The following DISP3 variants were observed in gnomAD, a reference collection of about 807,000 sequenced individuals.
DISP3 encodes protein dispatched homolog 3.
DISP3 carries 101 observed loss-of-function variants against 135.3 expected under a neutral mutation model. The ratio of observed to expected loss-of-function variants is 0.75; its 90% CI spans 0.64 to 0.88. DISP3 has a LOEUF of 0.88. Ranked by LOEUF, DISP3 falls within the 40% of genes least tolerant of loss-of-function variation. The pLI is 0.00. For missense variants in DISP3, 1,713 were observed against 1,878.6 expected (o/e 0.91, Z 1.63); for synonymous variants, 856 against 817.0 (o/e 1.05, Z -0.81).
chr1:11,534,514 G>A lies in DISP3; in HGVS notation c.3509G>A (p.Trp1170Ter). The change falls in exon 18 of 21, where the codon TGG (tryptophan) becomes TAG (stop). Residue 1170 changes from tryptophan (W) to a stop codon, truncating the protein, a stop_gained. Coordinates refer to ENST00000294484, the MANE Select transcript of DISP3 (RefSeq NM_020780.2). LOFTEE classifies it high-confidence loss of function. ...LRRGFQTCEH[W>*]KQIFMEIVGV... ...CGGGGCTTCCAGACCTGCGAGCACT[G>A]GAAGCAGATATTCATGGAAATCGTA... 6.2e-7 allele frequency: 1 copy of A among 1,611,440 alleles called. No homozygotes were observed.
intron 3 of DISP3, among the ~76,000 whole-genome samples, chr1:11,505,009 G>T (rs904644203): frequency 1.2e-4 from 18 of 152,104 alleles, no homozygotes; most frequent in African/African-American, 3.9e-4. Flanking sequence ...GAGTTTTAGT[G>T]AGCTTTTTCA....
intron 20 of DISP3, 104 bp downstream of exon 20, chr1:11,535,748 G>T (rs1441390566): frequency 5.0e-6 from 7 of 1,394,474 alleles, no homozygotes; most frequent in South Asian, 1.4e-5. Context: ...CCAGCACCAG[G>T]ACCCCCATGC....
At position 11,529,361 on chromosome 1, in the gene DISP3, G is replaced by A. The variant is rs575138287; in HGVS notation, c.2799-195G>A. On this transcript the variant is annotated intron_variant, in intron 13 of 20. Transcript: ENST00000294484. The surrounding 1 kb of genome is among the most constrained non-coding windows in gnomAD (Gnocchi z 4.7). ...GTCAGCCTTGGCAGGGGCAGGGCTA[G>A]AACAGCCTCCAGACCCCCAGCCCAG... Among the ~76,000 whole-genome samples the A allele has an allele frequency of 5.3e-4, 81 of 152,240 alleles. No homozygotes were observed. The highest frequency in any genetic ancestry group is 1.4e-3 in the African/African-American group (58 of 41,538).
At position 11,498,117 on chromosome 1, in the gene DISP3, A is replaced by G. The variant is rs180881205; in HGVS notation, c.-3-2873A>G. 4.6e-3 allele frequency among the ~76,000 whole-genome samples: 696 copies of G among 152,356 alleles called. 4 individuals are homozygous for G. The highest frequency in any genetic ancestry group is 6.1e-3 in the Non-Finnish European group (413 of 68,036). ...GTCTGCAGGGTATGGAGCCACACAT[A>G]CAGAACAAGGCTTCACTGCAATTGT... On this transcript the variant is annotated intron_variant, in intron 1 of 20. Coordinates refer to ENST00000294484, the MANE Select transcript of DISP3 (RefSeq NM_020780.2).
chr1:11,532,361 C>A (rs1357816950), intron 17 of DISP3, among the ~76,000 whole-genome samples: 1 of 152,212 alleles, frequency 6.6e-6, no homozygotes, highest in Non-Finnish European at 1.5e-5. Context: ...GAGCAAGTTA[C>A]TCGTCCCCTC....
At chr1:11,496,111 G>T (rs10864511) in intron 1 of DISP3, among the ~76,000 whole-genome samples, 73,442 of 150,438 alleles carry the variant, frequency 0.49, 19,674 homozygotes, top group East Asian at 0.73. Flanking sequence ...ATAGATGTGC[G>T]TTTTTTTTTT....
chr1:11,519,543 G>A lies in DISP3; in HGVS notation c.2038+40G>A, dbSNP rs111702617. ...AGGCCTGCCCTACTGACCCCAGTGA[G>A]ACCCAGCGCTGCCTCTGCCAGGGGA... On this transcript the variant is annotated intron_variant, in intron 8 of 20. Coordinates refer to ENST00000294484, the MANE Select transcript of DISP3 (RefSeq NM_020780.2). This position sits in a 1 kb window ranked among gnomAD's most constrained non-coding sequence, Gnocchi z 4.3. The A allele has an allele frequency of 6.2e-7, 1 of 1,604,902 alleles. No individual in the cohort carries two copies. Among genetic ancestry groups the A allele is most frequent in the Non-Finnish European group, 8.5e-7 (1 of 1,174,406 alleles).
intron 11 of DISP3, 150 bp from the exon 12 acceptor site, chr1:11,525,026 A>G (rs932758081): frequency 5.9e-6 from 5 of 853,004 alleles, no homozygotes; most frequent in Non-Finnish European, 8.9e-6. Flanking sequence ...GACCTGGTCC[A>G]GTAGAGAGGG....
intron 15 of DISP3, among the ~76,000 whole-genome samples, chr1:11,530,451 A>C (rs1042409878): frequency 6.6e-6 from 1 of 152,196 alleles, no homozygotes; most frequent in Non-Finnish European, 1.5e-5. Context: ...TATTAGTCAC[A>C]GCCCAGCGGG....
At chr1:11,482,514 C>T (rs1640928941) in intron 1 of DISP3, among the ~76,000 whole-genome samples, 1 of 152,102 alleles carries the variant, frequency 6.6e-6, no homozygotes, top group Non-Finnish European at 1.5e-5. Context: ...TCCCTAAGGG[C>T]CATCAGTCAG....
In DISP3 at chr1:11,520,670, G is replaced by T; in HGVS notation, c.2201-17G>T. On this transcript the variant is annotated splice_polypyrimidine_tract_variant and intron_variant, in intron 9 of 20. Coordinates refer to ENST00000294484, the MANE Select transcript of DISP3 (RefSeq NM_020780.2). This position sits in a 1 kb window ranked among gnomAD's most constrained non-coding sequence, Gnocchi z 4.8. ...GCTGGGCCCAGCCCCGCCTGGTGTA[G>T]CGCCCTTTCCTCACAGGGCTGTTCG... is the stretch of plus-strand genomic sequence containing the variant. 1 of 1,610,996 alleles carries T rather than the reference G, an allele frequency of 6.2e-7. No homozygotes were observed. The highest frequency in any genetic ancestry group is 1.1e-5 in the South Asian group (1 of 90,814).
In DISP3 at chr1:11,519,796, C is replaced by T. The variant is rs749520950; in HGVS notation, c.2116C>T (p.Arg706Cys). The change falls in exon 9 of 21, where the codon CGC becomes TGC. Residue 706 changes from arginine (R) to cysteine (C), a missense_variant. Physicochemically the swap from Arg to Cys is radical, Grantham distance 180 (BLOSUM62 -3). Around this residue, in one of 2 missense-constraint regions of DISP3, gnomAD observed 1,142 missense variants for 1,384.6 expected, o/e 0.82. Transcript: ENST00000294484. The surrounding 1 kb of genome is among the most constrained non-coding windows in gnomAD (Gnocchi z 4.3). ...GCAGCCAGCCTCCAACACGGGCAGC[C>T]GCGGCCATCTCATCGTGCAGCTGCA... ...GLQPASNTGS[R>C]GHLIVQLQEL... 8.7e-6 allele frequency: 14 copies of T among 1,612,982 alleles called. No individual in the cohort carries two copies. In the East Asian group the frequency reaches 8.9e-5, roughly 10 times the overall value.
chr1:11,521,406 G>A (rs1642188930), intron 10 of DISP3, among the ~76,000 whole-genome samples: 1 of 126,284 alleles, frequency 7.9e-6, no homozygotes, highest in Non-Finnish European at 1.7e-5. Flanking sequence ...CAGGCTGGGA[G>A]GGGAGAGGAG....
chr1:11,513,956 T>C (rs899841882), intron 3 of DISP3, among the ~76,000 whole-genome samples: 2 of 152,190 alleles, frequency 1.3e-5, no homozygotes, highest in African/African-American at 4.8e-5. Flanking sequence ...ATGTTTTTTT[T>C]TTTTTTTAAT....
chr1:11,520,909 G>A lies in DISP3; in HGVS notation c.2362+61G>A. 6.7e-7 allele frequency: 1 copy of A among 1,503,536 alleles called. No homozygotes were observed. Among genetic ancestry groups the A allele is most frequent in the Non-Finnish European group, 9.0e-7 (1 of 1,116,474 alleles). The allele number at this position is 1,503,536 out of a possible 1,614,324, so 93.1% of individuals were successfully genotyped here. A position where few individuals can be genotyped will look rare whatever the true frequency, so the allele number is the denominator to read the frequency against. ...AGGTGTCCGGGTCCCAAAGACTGTTGGTCTGAGAGATGCAGGATCCAGGGT... is the reference window on the plus strand; with the variant it reads ...AGGTGTCCGGGTCCCAAAGACTGTTAGTCTGAGAGATGCAGGATCCAGGGT... On this transcript the variant is annotated intron_variant, in intron 10 of 20. Transcript: ENST00000294484. This position sits in a 1 kb window ranked among gnomAD's most constrained non-coding sequence, Gnocchi z 4.8.
At position 11,536,807 on chromosome 1, in the gene DISP3, A is replaced by G. The variant is rs2745295; in HGVS notation, c.*121A>G. 0.1 allele frequency: 130,437 copies of G among 1,301,688 alleles called. 14,710 individuals carry two copies. Among genetic ancestry groups the G allele is most frequent in the African/African-American group, 0.55 (36,094 of 66,128 alleles). 80.6% of individuals were successfully genotyped at this position (1,301,688 alleles called of 1,614,324 possible). ...CTGGGCCCAGGGCGCCCTGCGGGCCAGCGTGGAGGCTGACACCCACACAGA... is the reference window on the plus strand; with the variant it reads ...CTGGGCCCAGGGCGCCCTGCGGGCCGGCGTGGAGGCTGACACCCACACAGA... On this transcript the variant is annotated 3_prime_UTR_variant, in exon 21 of 21. Coordinates refer to ENST00000294484, the MANE Select transcript of DISP3 (RefSeq NM_020780.2). This position sits in a 1 kb window ranked among gnomAD's most constrained non-coding sequence, Gnocchi z 4.3.
chr1:11,533,786 C>T (rs1467271640), intron 17 of DISP3: 6 of 717,526 alleles, frequency 8.4e-6, no homozygotes, highest in Non-Finnish European at 5.2e-6. Context: ...TCAGCAAGAG[C>T]AGAATTGATG....
At chr1:11,497,864 A>G (rs1006463967) in intron 1 of DISP3, among the ~76,000 whole-genome samples, 4 of 152,202 alleles carry the variant, frequency 2.6e-5, no homozygotes, top group African/African-American at 9.7e-5. Context: ...GTTCTATTGA[A>G]TACCTCACCC....
In DISP3 at chr1:11,535,110, T is replaced by C; in HGVS notation, c.3635T>C (p.Leu1212Pro). ...CACATCCTGCTCCTGCTGCCCGTGC[T>C]CCTCAGCATCTTGGGTACGTGGGCG... ...TTHILLLLPV[L>P]LSILGIVCLV... The change falls in exon 19 of 21, where the codon CTC (leucine) becomes CCC (proline). Residue 1212 changes from leucine to proline, a missense_variant. By Grantham distance (98) the Leu-to-Pro change is moderately conservative. Coordinates refer to ENST00000294484, the MANE Select transcript of DISP3 (RefSeq NM_020780.2). The C allele has an allele frequency of 6.2e-7, 1 of 1,606,878 alleles. No individual in the cohort carries two copies. The highest frequency in any genetic ancestry group is 1.3e-5 in the African/African-American group (1 of 74,990).
Sources: gnomAD v4.1 joint callset for allele counts (sites outside exome capture counted in the v4.1 genomes callset) on GRCh38, gnomAD v4.1.1 for gene constraint, gnomAD v4.1.1 regional missense constraint, Gnocchi (gnomAD v3.1) non-coding constraint, MANE v1.5 for transcripts, NCBI Gene and HGNC (gene_info 2026-07-23, HGNC 2026-07-21) for gene names.